CDKAL1: variants seen among roughly 807,000 people sequenced by gnomAD.
The protein encoded by CDKAL1 is CDKAL1 threonylcarbamoyladenosine tRNA methylthiotransferase.
A neutral mutation model predicts 68.2 loss-of-function variants in CDKAL1; 32 were observed. The ratio of observed to expected loss-of-function variants is 0.47; its 90% CI spans 0.35 to 0.63. The LOEUF (loss-of-function observed/expected upper bound fraction) is 0.63, where lower values mean the gene tolerates loss of function less well. Ranked by LOEUF, CDKAL1 falls within the 30% of genes least tolerant of loss-of-function variation. The pLI is 0.00. For synonymous variants in CDKAL1, 234 were observed against 244.3 expected, an observed-to-expected ratio of 0.96 and a Z score of 0.39; for missense variants, 606 against 696.7, an observed-to-expected ratio of 0.87 and a Z score of 1.47.
chr6:20,834,993 T>C (rs1777870045), intron 8 of CDKAL1, among the ~76,000 whole-genome samples: 1 of 152,158 alleles, frequency 6.6e-6, no homozygotes, highest in African/African-American at 2.4e-5. Context: ...CTGTGTAGTG[T>C]TGATGAAAAA....
At chr6:20,625,697 G>A (rs1363980981) in intron 4 of CDKAL1, among the ~76,000 whole-genome samples, 3 of 152,042 alleles carry the variant, frequency 2.0e-5, no homozygotes. Flanking sequence ...TGGGTTAGGT[G>A]GAAATAAGGC....
intron 6 of CDKAL1, among the ~76,000 whole-genome samples, chr6:20,743,458 C>T (rs927518324): frequency 2.6e-5 from 4 of 152,088 alleles, no homozygotes; most frequent in Admixed American, 2.6e-4. Context: ...TGAAAGTGCT[C>T]ATAGCATAGG....
Position 20,559,589 on chromosome 6 carries a change from A to G in CDKAL1, c.286+10884A>G, listed in dbSNP as rs185208956. 5 of 152,284 alleles carry G rather than the reference A, an allele frequency of 3.3e-5. No homozygotes were observed. The East Asian group carries it at 9.6e-4, about 29-fold the overall frequency. The allele number at this position is 152,284 out of a possible 1,614,324, so 9.4% of individuals were successfully genotyped here. A position where few individuals can be genotyped will look rare whatever the true frequency, so the allele number is the denominator to read the frequency against. On this transcript the variant is annotated intron_variant, in intron 4 of 15. Transcript: ENST00000274695. ...TCAGGTCACTAAATGTCTGGTTTGC[A>G]CTTCTTGTAGCATGTGAGAAATAAT... is the stretch of plus-strand genomic sequence containing the variant.
At chr6:20,902,081 C>T (rs553549215) in intron 9 of CDKAL1, among the ~76,000 whole-genome samples, 1 of 136,318 alleles carries the variant, frequency 7.3e-6, no homozygotes, top group South Asian at 2.5e-4. Flanking sequence ...AACCACTGTC[C>T]CCCTGACTTC....
chr6:20,572,600 A>T (rs755534940), intron 4 of CDKAL1, among the ~76,000 whole-genome samples: 2 of 152,142 alleles, frequency 1.3e-5, no homozygotes, highest in Admixed American at 6.5e-5. Context: ...TTTATTTATC[A>T]TATGTATTGG....
At chr6:21,141,814 A>G (rs1775928177) in intron 13 of CDKAL1, among the ~76,000 whole-genome samples, 1 of 152,294 alleles carries the variant, frequency 6.6e-6, no homozygotes, top group East Asian at 1.9e-4. Context: ...ACACTGTTCA[A>G]AGTTTGGAGC....
chr6:20,546,243 C>G, intron 2 of CDKAL1, 103 bp from the exon 3 acceptor site: 1 of 841,538 alleles, frequency 1.2e-6, no homozygotes, highest in Non-Finnish European at 1.8e-6. Flanking sequence ...AAGTTAGATC[C>G]AAAGGCTTGA....
chr6:21,057,344 A>G (rs1383089650), intron 11 of CDKAL1, among the ~76,000 whole-genome samples: 1 of 150,568 alleles, frequency 6.6e-6, no homozygotes, highest in Non-Finnish European at 1.5e-5. Flanking sequence ...GGTTGGTTGT[A>G]TTTTTTTGCA....
chr6:21,030,401 G>A (rs530919119), intron 11 of CDKAL1, among the ~76,000 whole-genome samples: 10 of 152,062 alleles, frequency 6.6e-5, no homozygotes, highest in Admixed American at 3.9e-4. Context: ...CCTAGATGAC[G>A]GGTTGATAGG....
intron 15 of CDKAL1, among the ~76,000 whole-genome samples, chr6:21,205,540 G>GCT (rs1562115798): frequency 1.3e-5 from 2 of 151,152 alleles, no homozygotes; most frequent in Admixed American, 6.6e-5. Context: ...GTTTTGTTTT[G>GCT]TTTTTTTTGA....
intron 4 of CDKAL1, among the ~76,000 whole-genome samples, chr6:20,555,961 C>T (rs2127663477): frequency 6.6e-6 from 1 of 152,174 alleles, no homozygotes; most frequent in Middle Eastern, 3.4e-3. Flanking sequence ...TATTAGAAGC[C>T]TTTCTCGTTT....
At chr6:20,857,935 C>T (rs1561836086) in intron 9 of CDKAL1, among the ~76,000 whole-genome samples, 2 of 152,186 alleles carry the variant, frequency 1.3e-5, no homozygotes, top group African/African-American at 4.8e-5. Context: ...TCTTGGCTCA[C>T]TGCAACCTCT....
chr6:20,651,732 A>G (rs1443896272), intron 5 of CDKAL1, among the ~76,000 whole-genome samples: 1 of 152,270 alleles, frequency 6.6e-6, no homozygotes, highest in Middle Eastern at 3.4e-3. Flanking sequence ...CTGTTCCATC[A>G]ATACTTAGTT....
intron 9 of CDKAL1, among the ~76,000 whole-genome samples, chr6:20,894,699 G>GT (rs944181022): frequency 2.0e-5 from 3 of 152,018 alleles, no homozygotes; most frequent in African/African-American, 4.8e-5. Flanking sequence ...CTAAACTTTA[G>GT]TTTTTTACAA....
intron 9 of CDKAL1, among the ~76,000 whole-genome samples, chr6:20,868,146 TAAAAA>T (rs1760006924): frequency 6.6e-6 from 1 of 152,144 alleles, no homozygotes; most frequent in Non-Finnish European, 1.5e-5. Flanking sequence ...TTTGTGCATA[TAAAAA>T]GGGAAATATC....
intron 6 of CDKAL1, among the ~76,000 whole-genome samples, chr6:20,746,289 T>C (rs1474739): frequency 0.9 from 136,800 of 152,236 alleles, 61,516 homozygotes; most frequent in Middle Eastern, 0.93. Flanking sequence ...TGTACTGTCA[T>C]GTAACTTCTG....
chr6:20,555,692 A>G (rs536758443), intron 4 of CDKAL1, among the ~76,000 whole-genome samples: 1 of 128,786 alleles, frequency 7.8e-6, no homozygotes, highest in African/African-American at 3.0e-5. Context: ...GCGCTATCTT[A>G]GCTCGCTGCA....
chr6:20,963,548 T>G (rs534595648), intron 10 of CDKAL1, among the ~76,000 whole-genome samples: 13 of 152,364 alleles, frequency 8.5e-5, no homozygotes, highest in African/African-American at 2.6e-4. Context: ...TGATTACATG[T>G]AGACCGAAGG....
In CDKAL1 at chr6:21,095,882, T is replaced by C. The variant is rs149291846; in HGVS notation, c.1237-12519T>C. On this transcript the variant is annotated intron_variant, in intron 12 of 15. Coordinates refer to ENST00000274695, the MANE Select transcript of CDKAL1 (RefSeq NM_017774.3). ...TATATGGAACAAAAATAAGTCTATTTTTGACATAGTACTTGAGGAGAAGAT... is the reference window on the plus strand; with the variant it reads ...TATATGGAACAAAAATAAGTCTATTCTTGACATAGTACTTGAGGAGAAGAT... 1.9e-3 allele frequency among the ~76,000 whole-genome samples: 291 copies of C among 152,306 alleles called. 2 individuals are homozygous for C. The highest frequency in any genetic ancestry group is 3.4e-3 in the Non-Finnish European group (229 of 68,020).
Sources: gnomAD v4.1 joint callset for allele counts (sites outside exome capture counted in the v4.1 genomes callset) on GRCh38, gnomAD v4.1.1 for gene constraint, MANE v1.5 for transcripts, NCBI Gene and HGNC (gene_info 2026-07-23, HGNC 2026-07-21) for gene names.